The following NUP50 variants were observed in gnomAD, a reference collection of about 807,000 sequenced individuals.
The protein encoded by NUP50 is nuclear pore complex protein Nup50.
NUP50 carries 14 observed loss-of-function variants against 36.8 expected under a neutral mutation model. The ratio of observed to expected loss-of-function variants is 0.38; its 90% CI spans 0.25 to 0.59. The LOEUF is 0.59. Among genes scored for constraint, NUP50 ranks in the 20% least tolerant of loss-of-function variants. The pLI is 0.63. For missense variants in NUP50, 455 were observed against 564.6 expected (o/e 0.81, Z 1.97); for synonymous variants, 195 against 210.8 (o/e 0.93, Z 0.65).
At position 45,181,393 on chromosome 22, in the gene NUP50, G is replaced by T. The variant is rs552863673; in HGVS notation, c.1085+26G>T. The T allele has an allele frequency of 1.5e-4, 223 of 1,490,326 alleles. 2 individuals carry two copies. The South Asian group carries it at 2.4e-3, about 16-fold the overall frequency. 92.3% of individuals were successfully genotyped at this position (1,490,326 alleles called of 1,614,324 possible). A position where few individuals can be genotyped will look rare whatever the true frequency, so the allele number is the denominator to read the frequency against. On this transcript the variant is annotated intron_variant, in intron 6 of 7. Coordinates refer to ENST00000347635, the MANE Select transcript of NUP50 (RefSeq NM_007172.4). ...GTAAGAATCCCCACAACCTGCTGGC[G>T]CATGTGTTTTGCAGGCATGGTGGCA...
chr22:45,165,392 C>T (rs570834620), intron 1 of NUP50, among the ~76,000 whole-genome samples: 1 of 152,320 alleles, frequency 6.6e-6, no homozygotes, highest in South Asian at 2.1e-4. Flanking sequence ...TGCGCCACTA[C>T]GCTCGGCTAA....
intron 5 of NUP50, among the ~76,000 whole-genome samples, chr22:45,179,995 TC>T (rs1268142344): frequency 1.3e-5 from 2 of 152,258 alleles, no homozygotes; most frequent in African/African-American, 4.8e-5. Context: ...AGTCTAGACT[TC>T]CATTACTGTT....
chr22:45,175,646 C>T (rs2074264481), intron 3 of NUP50, among the ~76,000 whole-genome samples: 1 of 152,102 alleles, frequency 6.6e-6, no homozygotes, highest in African/African-American at 2.4e-5. Flanking sequence ...CCTAAAAATA[C>T]ACATAATATA....
chr22:45,184,407 G>A, intron 7 of NUP50, 46 bp from the exon 8 acceptor site: 2 of 1,536,874 alleles, frequency 1.3e-6, no homozygotes, highest in Non-Finnish European at 9.0e-7. Context: ...CTTTGGTGGA[G>A]CTATAGCTTC....
rs923214286 is a variant in NUP50, at chr22:45,187,156, T to C, written c.*2501T>C. On this transcript the variant is annotated 3_prime_UTR_variant, in exon 8 of 8. Coordinates refer to ENST00000347635, the MANE Select transcript of NUP50 (RefSeq NM_007172.4). ...TTTGCATCTGGACAAATACTAAATA[T>C]CCCAGTGGCCTTTTTTTTTTTTTTT... 1.2e-4 allele frequency: 17 copies of C among 144,200 alleles called. No homozygotes were observed. The highest frequency in any genetic ancestry group is 4.5e-4 in the African/African-American group (17 of 38,150). 8.9% of individuals were successfully genotyped at this position (144,200 alleles called of 1,614,324 possible).
chr22:45,183,777 C>T (rs557141402), intron 7 of NUP50: 18 of 393,900 alleles, frequency 4.6e-5, no homozygotes, highest in African/African-American at 3.7e-4. Context: ...AGAGATTAGA[C>T]CATTTAATGA....
At chr22:45,171,730 C>T (rs770832814) in intron 3 of NUP50, 47 bp downstream of exon 3, 59 of 1,482,838 alleles carry the variant, frequency 4.0e-5, no homozygotes, top group Non-Finnish European at 2.8e-6. Context: ...CATTTGATTT[C>T]TGGGTTGCAC....
chr22:45,165,841 T>G (rs2074086778), intron 1 of NUP50: 2 of 152,252 alleles, frequency 1.3e-5, no homozygotes, highest in Non-Finnish European at 2.9e-5. Flanking sequence ...TATCTTAACT[T>G]TCTTAATACT....
intron 2 of NUP50, chr22:45,171,200 T>A (rs2074188137): frequency 2.7e-6 from 3 of 1,129,538 alleles, no homozygotes; most frequent in Non-Finnish European, 3.3e-6. Flanking sequence ...TAACAAAATT[T>A]ATTTATTTAT....
rs540805338 is a variant in NUP50, at chr22:45,178,716, C to T, written c.819C>T (p.Phe273=). 9.9e-6 allele frequency: 16 copies of T among 1,613,024 alleles called. No homozygotes were observed. The highest frequency in any genetic ancestry group is 6.6e-5 in the South Asian group (6 of 91,042). Residue 273 remains phenylalanine, a synonymous_variant, in exon 5 of 8, where the codon TTC becomes TTT. Coordinates refer to ENST00000347635, the MANE Select transcript of NUP50 (RefSeq NM_007172.4). The stretch of plus-strand genomic sequence containing the variant: ...GAGCGACAAGTGCCTCATTTAATTT[C>T]GGCAAGAAAGTTGATAGCTCTGTTT... The part of the protein sequence containing the change: ...SLGATSASFN[F]GKKVDSSVLG...
Position 45,178,484 on chromosome 22 carries a change from A to G in NUP50, c.587A>G (p.Asn196Ser). 3 of 1,612,628 alleles carry G rather than the reference A, an allele frequency of 1.9e-6. No homozygotes were observed. The highest frequency in any genetic ancestry group is 2.5e-6 in the Non-Finnish European group (3 of 1,179,866). The change falls in exon 5 of 8, where the codon AAC becomes AGC. Residue 196 changes from asparagine (N) to serine (S), a missense_variant. Around this residue, in one of 3 missense-constraint regions of NUP50, gnomAD observed 287 missense variants for 345.5 expected, o/e 0.83. Transcript: ENST00000347635. ...IFKDYEKYLA[N>S]IEQQHGNSGR... Reference sequence around the variant, plus strand: ...AAAGACTATGAGAAATATTTAGCAAACATTGAACAGCAACACGGGAACAGT... The same window carrying G: ...AAAGACTATGAGAAATATTTAGCAAGCATTGAACAGCAACACGGGAACAGT...
intron 4 of NUP50, 69 bp downstream of exon 4, chr22:45,176,149 T>G (rs1416423659): frequency 6.6e-7 from 1 of 1,509,210 alleles, no homozygotes; most frequent in Non-Finnish European, 9.0e-7. Flanking sequence ...ACAAAGATGT[T>G]TTTCTTATAG....
chr22:45,170,041 A>G (rs948182529), intron 2 of NUP50, among the ~76,000 whole-genome samples: 3 of 152,228 alleles, frequency 2.0e-5, no homozygotes, highest in Non-Finnish European at 2.9e-5. Context: ...TGATAAGTGC[A>G]TAGAAGAAAA....
intron 5 of NUP50, 79 bp downstream of exon 5, chr22:45,178,979 A>C (rs1442494066): frequency 1.5e-6 from 2 of 1,355,684 alleles, no homozygotes; most frequent in South Asian, 2.9e-5. Flanking sequence ...TTTGATTCCA[A>C]ATATGAGTCT....
intron 6 of NUP50, among the ~76,000 whole-genome samples, 197 bp downstream of exon 6, chr22:45,181,564 T>G (rs2074372963): frequency 6.6e-6 from 1 of 152,122 alleles, no homozygotes; most frequent in Admixed American, 6.6e-5. Flanking sequence ...GGTGGGCAGG[T>G]CTCACTCTTT....
chr22:45,172,643 T>G (rs954721658), intron 3 of NUP50, among the ~76,000 whole-genome samples: 2 of 152,194 alleles, frequency 1.3e-5, no homozygotes, highest in Non-Finnish European at 2.9e-5. Flanking sequence ...TCATTCACAC[T>G]TTGAGAAGCA....
chr22:45,175,479 GTTT>G (rs1006585266), intron 3 of NUP50, among the ~76,000 whole-genome samples: 1 of 152,114 alleles, frequency 6.6e-6, no homozygotes, highest in African/African-American at 2.4e-5. Context: ...CTACCTTGAT[GTTT>G]TTATCATTTC....
At chr22:45,167,016 G>T (rs2074104882) in intron 1 of NUP50, among the ~76,000 whole-genome samples, 1 of 152,148 alleles carries the variant, frequency 6.6e-6, no homozygotes, top group Admixed American at 6.5e-5. Flanking sequence ...ACCAGCATTT[G>T]CATTTTACTT....
chr22:45,169,181 C>T (rs1244886603), intron 2 of NUP50, among the ~76,000 whole-genome samples: 5 of 152,106 alleles, frequency 3.3e-5, no homozygotes, highest in East Asian at 1.9e-4. Context: ...GGATTACAGG[C>T]GAGAACCACC....
Sources: gnomAD v4.1 joint callset for allele counts (sites outside exome capture counted in the v4.1 genomes callset) on GRCh38, gnomAD v4.1.1 for gene constraint, gnomAD v4.1.1 regional missense constraint, MANE v1.5 for transcripts, NCBI Gene and HGNC (gene_info 2026-07-23, HGNC 2026-07-21) for gene names.